PKIA: variants seen among roughly 807,000 people sequenced by gnomAD.
The protein encoded by PKIA is PKI-alpha.
In PKIA, 4 loss-of-function variants were observed where a neutral mutation model predicts 7.6. That is an observed-to-expected ratio of 0.52 (90% CI 0.26 to 1.20). PKIA has a LOEUF of 1.20. Among genes scored for constraint, PKIA ranks in the 50% most tolerant of loss-of-function variants. The probability of loss-of-function intolerance (pLI) is 0.13; values close to 1 mark genes in which losing one functional copy is unlikely to be tolerated. For missense variants in PKIA, 73 were observed against 86.2 expected (o/e 0.85, Z 0.61); for synonymous variants, 21 against 30.7 (o/e 0.68, Z 1.04).
chr8:78,547,038 A>G (rs977064775), intron 1 of PKIA, among the ~76,000 whole-genome samples: 30 of 152,330 alleles, frequency 2.0e-4, no homozygotes, highest in African/African-American at 6.3e-4. Flanking sequence ...CATACAGTTA[A>G]TCATCACAAA....
intron 2 of PKIA, among the ~76,000 whole-genome samples, chr8:78,585,573 TA>T (rs1807932830): frequency 1.3e-5 from 2 of 152,088 alleles, no homozygotes; most frequent in African/African-American, 4.8e-5. Context: ...TTAAAGGGGA[TA>T]AAAAATGCTA....
At chr8:78,544,367 C>T (rs974982897) in intron 1 of PKIA, among the ~76,000 whole-genome samples, 3 of 152,150 alleles carry the variant, frequency 2.0e-5, no homozygotes, top group African/African-American at 7.2e-5. Context: ...TTCACCTGCC[C>T]ACCACCCTTT....
intron 1 of PKIA, among the ~76,000 whole-genome samples, chr8:78,529,052 A>G (rs1327463245): frequency 6.6e-6 from 1 of 152,122 alleles, no homozygotes; most frequent in Admixed American, 6.6e-5. Flanking sequence ...GGTGTCTCCA[A>G]TAAATGCATC....
chr8:78,527,481 G>A (rs544055169), intron 1 of PKIA, among the ~76,000 whole-genome samples: 1 of 152,004 alleles, frequency 6.6e-6, no homozygotes, highest in South Asian at 2.1e-4. Flanking sequence ...ACAAGTGCTT[G>A]GAAAAGCATG....
At chr8:78,551,278 A>G (rs944806563) in intron 1 of PKIA, among the ~76,000 whole-genome samples, 1 of 152,064 alleles carries the variant, frequency 6.6e-6, no homozygotes, top group South Asian at 2.1e-4. Flanking sequence ...TAGACAACTA[A>G]AAGTGGGCCA....
At chr8:78,595,934 G>T (rs1243906426) in intron 2 of PKIA, among the ~76,000 whole-genome samples, 2 of 152,152 alleles carry the variant, frequency 1.3e-5, no homozygotes, top group Non-Finnish European at 2.9e-5. Flanking sequence ...AGTTCACTGA[G>T]AAATCTTTAA....
intron 1 of PKIA, chr8:78,533,955 C>T (rs1015077959): frequency 6.6e-6 from 1 of 152,072 alleles, no homozygotes; most frequent in Non-Finnish European, 1.5e-5. Flanking sequence ...AAATATCTAA[C>T]ACAGAAGCTT....
Position 78,518,141 on chromosome 8 carries a change from T to C in PKIA, c.-157+1673T>C, listed in dbSNP as rs76765141. Among the ~76,000 whole-genome samples, 264 of 152,358 alleles carry C rather than the reference T, an allele frequency of 1.7e-3. 2 individuals are homozygous for C. Among genetic ancestry groups the C allele is most frequent in the Non-Finnish European group, 2.9e-3 (196 of 68,036 alleles). On this transcript the variant is annotated intron_variant, in intron 1 of 3. Transcript: ENST00000396418. Reference sequence around the variant, plus strand: ...TTTTACAAAATGCACTTTAGAAAGATTTGAATTTGTTTCTTTGTCTCCATC... The same window carrying C: ...TTTTACAAAATGCACTTTAGAAAGACTTGAATTTGTTTCTTTGTCTCCATC...
intron 1 of PKIA, among the ~76,000 whole-genome samples, chr8:78,533,478 G>A (rs1342404257): frequency 6.6e-6 from 1 of 152,068 alleles, no homozygotes; most frequent in Non-Finnish European, 1.5e-5. Flanking sequence ...ACTAGGTGCT[G>A]GCAATAGAAT....
rs201142056 is a variant in PKIA, at chr8:78,554,614, T to A, written c.-156-18197T>A. On this transcript the variant is annotated intron_variant, in intron 1 of 3. Transcript: ENST00000396418. ...AAGTTTACCAGGATGAAAAGTAAGC[T>A]GCTGAGGATTGCAGATGATACTAAT... 5.3e-5 allele frequency among the ~76,000 whole-genome samples: 8 copies of A among 151,986 alleles called. No homozygotes were observed. The East Asian group carries it at 1.4e-3, about 26-fold the overall frequency.
intron 2 of PKIA, among the ~76,000 whole-genome samples, chr8:78,584,326 G>T (rs1359118266): frequency 6.6e-6 from 1 of 152,104 alleles, no homozygotes; most frequent in Non-Finnish European, 1.5e-5. Context: ...ATTTATATAT[G>T]CAGTTGGGTT....
At chr8:78,597,196 AT>A (rs1348410527) in intron 2 of PKIA, among the ~76,000 whole-genome samples, 4 of 151,710 alleles carry the variant, frequency 2.6e-5, no homozygotes, top group South Asian at 2.1e-4. Flanking sequence ...ATTTCAGAAA[AT>A]TTTTTTTCTA....
At chr8:78,516,553 A>T (rs1000504102) in intron 1 of PKIA, 85 bp downstream of exon 1, 1 of 152,508 alleles carries the variant, frequency 6.6e-6, no homozygotes, top group Non-Finnish European at 1.5e-5. Context: ...GCACGGAGGG[A>T]AGAAGGGGAG....
chr8:78,594,429 C>T (rs1162637931), intron 2 of PKIA, among the ~76,000 whole-genome samples: 1 of 151,472 alleles, frequency 6.6e-6, no homozygotes, highest in Non-Finnish European at 1.5e-5. Context: ...CTAAAAAATT[C>T]AGAATGTGTT....
intron 1 of PKIA, among the ~76,000 whole-genome samples, chr8:78,526,402 T>TA (rs1348611150): frequency 2.0e-5 from 3 of 152,054 alleles, no homozygotes; most frequent in Non-Finnish European, 2.9e-5. Flanking sequence ...ACCACATGTC[T>TA]AATCACTCGT....
intron 2 of PKIA, among the ~76,000 whole-genome samples, chr8:78,576,875 T>G (rs1807685971): frequency 6.6e-6 from 1 of 152,078 alleles, no homozygotes; most frequent in Non-Finnish European, 1.5e-5. Flanking sequence ...TAAAGACACA[T>G]GCATACAAAT....
chr8:78,580,210 CAT>C (rs1462505899), intron 2 of PKIA, among the ~76,000 whole-genome samples: 6 of 152,056 alleles, frequency 3.9e-5, no homozygotes, highest in African/African-American at 9.6e-5. Flanking sequence ...ATGATGCATA[CAT>C]ATGTCATAGG....
intron 2 of PKIA, among the ~76,000 whole-genome samples, chr8:78,583,588 T>C (rs1401137029): frequency 6.6e-6 from 1 of 152,134 alleles, no homozygotes; most frequent in Non-Finnish European, 1.5e-5. Context: ...TTTCCTTTCT[T>C]CTTTAAATGA....
At chr8:78,540,839 A>G (rs1159043355) in intron 1 of PKIA, among the ~76,000 whole-genome samples, 2 of 152,020 alleles carry the variant, frequency 1.3e-5, no homozygotes, top group East Asian at 1.9e-4. Flanking sequence ...TACATTTGAG[A>G]AAAATTAGTT....
Sources: allele counts gnomAD v4.1 joint callset (sites outside exome capture counted in the v4.1 genomes callset), GRCh38; gene constraint gnomAD v4.1.1; transcripts MANE v1.5; gene names NCBI Gene and HGNC (gene_info 2026-07-23, HGNC 2026-07-21).